NAALADL2: variants seen among roughly 807,000 people sequenced by gnomAD.
NAALADL2 encodes inactive N-acetylated-alpha-linked acidic dipeptidase-like protein 2.
In NAALADL2, 76 loss-of-function variants were observed where a neutral mutation model predicts 87.2. The ratio of observed to expected loss-of-function variants is 0.87; its 90% confidence interval spans 0.72 to 1.05. The LOEUF is 1.05. NAALADL2 is among the 50% of genes least tolerant of loss of function. The pLI is 0.00. For synonymous variants in NAALADL2, 354 were observed against 331.0 expected, an observed-to-expected ratio of 1.07 and a Z score of -0.75; for missense variants, 1,089 against 945.8, an observed-to-expected ratio of 1.15 and a Z score of -1.99.
intron 1 of NAALADL2, among the ~76,000 whole-genome samples, chr3:175,065,567 G>A (rs1249029821): frequency 6.6e-6 from 1 of 152,186 alleles, no homozygotes; most frequent in Non-Finnish European, 1.5e-5. Flanking sequence ...TGTCACCAGT[G>A]AAGAGAAGCA....
chr3:175,397,796 T>A, intron 5 of NAALADL2, among the ~76,000 whole-genome samples: 1 of 152,208 alleles, frequency 6.6e-6, no homozygotes, highest in South Asian at 2.1e-4. Context: ...AGTTTACAAC[T>A]TACTGTTTAC....
intron 2 of NAALADL2, among the ~76,000 whole-genome samples, chr3:174,689,534 A>G (rs1249373888): frequency 6.6e-6 from 1 of 151,864 alleles, no homozygotes; most frequent in Non-Finnish European, 1.5e-5. Context: ...TATGAACATC[A>G]CCGGGGAGCT....
chr3:175,559,955 A>G (rs1716002297), intron 9 of NAALADL2, among the ~76,000 whole-genome samples: 2 of 152,190 alleles, frequency 1.3e-5, no homozygotes, highest in Non-Finnish European at 2.9e-5. Context: ...GCCTCATATA[A>G]TGAACTTGGA....
At chr3:175,748,539 G>A (rs1201005771) in intron 12 of NAALADL2, among the ~76,000 whole-genome samples, 4 of 152,128 alleles carry the variant, frequency 2.6e-5, no homozygotes, top group Non-Finnish European at 5.9e-5. Flanking sequence ...GCAATTGTTA[G>A]CACCTTTAAA....
intron 2 of NAALADL2, among the ~76,000 whole-genome samples, chr3:175,199,029 A>C (rs1181716714): frequency 1.3e-5 from 2 of 152,186 alleles, no homozygotes; most frequent in East Asian, 1.9e-4. Context: ...GGACAGTTTC[A>C]ATAAATAGTT....
chr3:174,877,319 T>C lies in NAALADL2; in HGVS notation c.43+17869T>C, dbSNP rs1328730339. On this transcript the variant is annotated intron_variant, in intron 1 of 13. Coordinates refer to ENST00000454872, the MANE Select transcript of NAALADL2 (RefSeq NM_207015.3). ...TCAGTACTGATGGTTAACAAACTTA[T>C]GAAGCTGGCCAGTGTATCCTTAGGG... 2.6e-5 allele frequency among the ~76,000 whole-genome samples: 4 copies of C among 152,268 alleles called. No homozygotes were observed. In the East Asian group the frequency reaches 7.7e-4, roughly 29 times the overall value.
intron 5 of NAALADL2, among the ~76,000 whole-genome samples, chr3:175,418,942 T>G (rs1297930435): frequency 6.6e-6 from 1 of 152,018 alleles, no homozygotes; most frequent in Non-Finnish European, 1.5e-5. Context: ...GCTTGTCTGT[T>G]GCAGTTCACA....
intron 2 of NAALADL2, among the ~76,000 whole-genome samples, chr3:175,199,697 G>A (rs960626933): frequency 2.0e-5 from 3 of 150,166 alleles, no homozygotes; most frequent in Admixed American, 6.7e-5. Context: ...TTTGGCGTTA[G>A]CTTTACTCCT....
intron 1 of NAALADL2, among the ~76,000 whole-genome samples, chr3:174,910,999 T>G (rs970355634): frequency 6.6e-6 from 1 of 152,090 alleles, no homozygotes; most frequent in African/African-American, 2.4e-5. Context: ...ATCTCACGGT[T>G]CTCAGGGGCC....
chr3:175,771,242 G>A (rs1361030505), intron 13 of NAALADL2, among the ~76,000 whole-genome samples: 1 of 152,056 alleles, frequency 6.6e-6, no homozygotes, highest in Non-Finnish European at 1.5e-5. Context: ...ATACAATTTC[G>A]ATTAGGTGTA....
At chr3:175,029,752 T>C (rs1752612326) in intron 1 of NAALADL2, among the ~76,000 whole-genome samples, 1 of 151,950 alleles carries the variant, frequency 6.6e-6, no homozygotes, top group Non-Finnish European at 1.5e-5. Flanking sequence ...CCCTCTGAGG[T>C]TTCCTTATGC....
chr3:175,487,512 G>T (rs1474741368), intron 9 of NAALADL2: 2 of 456,460 alleles, frequency 4.4e-6, no homozygotes, highest in Non-Finnish European at 8.8e-6. Flanking sequence ...GCAGATTTCT[G>T]TGTTTCTTCC....
At chr3:174,712,918 A>G (rs1028084908) in intron 2 of NAALADL2, among the ~76,000 whole-genome samples, 80 of 152,176 alleles carry the variant, frequency 5.3e-4, no homozygotes, top group Admixed American at 9.8e-4. Context: ...TCGTCATTTA[A>G]CATTAGGTAT....
intron 3 of NAALADL2, among the ~76,000 whole-genome samples, chr3:174,751,158 G>A (rs889917975): frequency 6.6e-6 from 1 of 151,884 alleles, no homozygotes; most frequent in African/African-American, 2.4e-5. Context: ...TTGGTAATGC[G>A]TCTAGTGTTG....
chr3:174,852,443 CA>C (rs1374043310), intron 3 of NAALADL2, among the ~76,000 whole-genome samples: 1 of 151,710 alleles, frequency 6.6e-6, no homozygotes, highest in Admixed American at 6.6e-5. Context: ...AAAAAGAAAC[CA>C]AAAAAGTAAT....
chr3:175,147,098 T>C (rs1383889829), intron 2 of NAALADL2, among the ~76,000 whole-genome samples: 1 of 152,172 alleles, frequency 6.6e-6, no homozygotes, highest in Admixed American at 6.5e-5. Context: ...TAAAAAATAA[T>C]TTCAAATTCA....
Position 174,825,108 on chromosome 3 carries a change from A to C in NAALADL2, c.-9+87362A>C, listed in dbSNP as rs552677546. On this transcript the variant is annotated intron_variant, in intron 3 of 3. Transcript: ENST00000434257. The stretch of plus-strand genomic sequence containing the variant: ...AGTGTATTATTTTCCAGAAAAATAG[A>C]ACCAGTAGGATATGTACAGATATTT... 2.0e-5 allele frequency among the ~76,000 whole-genome samples: 3 copies of C among 152,314 alleles called. No individual in the cohort carries two copies. In the East Asian group the frequency reaches 5.8e-4, roughly 29 times the overall value.
At chr3:175,339,226 C>A (rs189716576) in intron 5 of NAALADL2, among the ~76,000 whole-genome samples, 1 of 152,136 alleles carries the variant, frequency 6.6e-6, no homozygotes, top group South Asian at 2.1e-4. Flanking sequence ...AGATAGAGAG[C>A]CTGTGTGAAA....
At chr3:175,047,822 A>T (rs1754871414) in intron 1 of NAALADL2, among the ~76,000 whole-genome samples, 1 of 152,218 alleles carries the variant, frequency 6.6e-6, no homozygotes, top group Non-Finnish European at 1.5e-5. Context: ...TGAATCTGAT[A>T]TTCACCTTTC....
Sources: gnomAD v4.1 joint callset for allele counts (sites outside exome capture counted in the v4.1 genomes callset) on GRCh38, gnomAD v4.1.1 for gene constraint, MANE v1.5 for transcripts, NCBI Gene and HGNC (gene_info 2026-07-23, HGNC 2026-07-21) for gene names.